KLHL1: variants seen among roughly 807,000 people sequenced by gnomAD.
KLHL1 encodes kelch-like protein 1.
A neutral mutation model predicts 77.7 loss-of-function variants in KLHL1; 47 were observed. The observed-to-expected ratio is 0.60, with a 90% CI of 0.48 to 0.77. The LOEUF is 0.77. KLHL1 is among the 30% of genes least tolerant of loss of function. KLHL1 has a pLI of 0.00. For synonymous variants in KLHL1, 360 were observed against 325.2 expected (o/e 1.11, Z -1.15); for missense variants, 925 against 910.8 (o/e 1.02, Z -0.20).
chr13:70,015,471 C>T (rs1885634663), intron 1 of KLHL1, among the ~76,000 whole-genome samples: 1 of 152,118 alleles, frequency 6.6e-6, no homozygotes, highest in South Asian at 2.1e-4. Context: ...AAAAATGGCC[C>T]ATGATTTAAG....
intron 7 of KLHL1, among the ~76,000 whole-genome samples, chr13:69,779,645 CAT>C (rs1472879581): frequency 2.0e-5 from 3 of 151,812 alleles, no homozygotes; most frequent in Non-Finnish European, 2.9e-5. Context: ...ATTGTAAACA[CAT>C]ATGTCTATAT....
Position 70,107,616 on chromosome 13 carries a change from G to A in KLHL1, c.84C>T (p.Ser28=). The A allele has an allele frequency of 1.3e-6, 2 of 1,583,934 alleles. No homozygotes were observed. The highest frequency in any genetic ancestry group is 4.5e-5 in the East Asian group (2 of 44,772). Residue 28 remains serine (S), a synonymous_variant, in exon 1 of 11, where the codon TCC becomes TCT. Transcript: ENST00000377844. The part of the protein sequence containing the change: ...RWKLFSHPSP[S]TGGPAGGGCL... ...AGCCTCCCCCCGCCGGGCCGCCGGT[G>A]GAAGGAGACGGGTGGCTGAAGAGTT... is the stretch of plus-strand genomic sequence containing the variant.
intron 5 of KLHL1, among the ~76,000 whole-genome samples, chr13:69,848,229 G>T (rs967972974): frequency 2.0e-5 from 3 of 151,506 alleles, no homozygotes; most frequent in Non-Finnish European, 4.4e-5. Flanking sequence ...GAGAAAAATG[G>T]ACAATTATGC....
intron 2 of KLHL1, among the ~76,000 whole-genome samples, chr13:69,966,538 C>T (rs1228160962): frequency 6.6e-6 from 1 of 152,148 alleles, no homozygotes; most frequent in African/African-American, 2.4e-5. Context: ...ATCCATTGTA[C>T]AGCTCATTAA....
intron 6 of KLHL1, among the ~76,000 whole-genome samples, chr13:69,809,086 T>C (rs566738552): frequency 1.3e-5 from 2 of 152,186 alleles, no homozygotes; most frequent in Non-Finnish European, 2.9e-5. Context: ...AAATCTATGA[T>C]ATTAGCGTAC....
intron 8 of KLHL1, among the ~76,000 whole-genome samples, chr13:69,724,300 G>A (rs2161755): frequency 0.88 from 134,387 of 152,080 alleles, 59,627 homozygotes; most frequent in East Asian, 0.99. Flanking sequence ...ACCACCTTGG[G>A]CACATGTCGT....
chr13:69,934,031 C>T (rs9572312), intron 4 of KLHL1, among the ~76,000 whole-genome samples: 55,361 of 151,854 alleles, frequency 0.36, 10,571 homozygotes, highest in Non-Finnish European at 0.42. Flanking sequence ...GCATGTCTAT[C>T]TATTGATCCT....
rs148680281 is a variant in KLHL1 at position 70,050,247 on chromosome 13, A to G, written c.497+56956T>C. Among the ~76,000 whole-genome samples the G allele has an allele frequency of 4.9e-3, 743 of 152,026 alleles. 5 individuals carry two copies. Among genetic ancestry groups the G allele is most frequent in the African/African-American group, 0.017 (693 of 41,548 alleles). Reference sequence around the variant, plus strand: ...TTGATCAAAACTGGCTGTGTTACATAAAATAGTTACATATTTCTGACGCCT... The same window carrying G: ...TTGATCAAAACTGGCTGTGTTACATGAAATAGTTACATATTTCTGACGCCT... On this transcript the variant is annotated intron_variant, in intron 1 of 10. Coordinates refer to ENST00000377844, the MANE Select transcript of KLHL1 (RefSeq NM_020866.3).
intron 4 of KLHL1, among the ~76,000 whole-genome samples, chr13:69,887,177 A>G (rs1317301250): frequency 1.3e-5 from 2 of 152,154 alleles, no homozygotes; most frequent in Non-Finnish European, 2.9e-5. Flanking sequence ...TTCATGATAT[A>G]TGCATGGTTC....
intron 2 of KLHL1, among the ~76,000 whole-genome samples, chr13:69,973,191 C>T (rs1014383371): frequency 1.3e-5 from 2 of 151,830 alleles, no homozygotes; most frequent in African/African-American, 2.4e-5. Flanking sequence ...ATAAACATGG[C>T]CTTTCATAAA....
intron 1 of KLHL1, among the ~76,000 whole-genome samples, chr13:69,986,608 T>C (rs1884878185): frequency 1.3e-5 from 2 of 152,042 alleles, no homozygotes; most frequent in African/African-American, 4.8e-5. Flanking sequence ...TTTATTCTTA[T>C]GGAGTGTTGC....
At chr13:69,855,404 A>AGACAGAGATAGAGATAGACAGT (rs1566329732) in intron 5 of KLHL1, among the ~76,000 whole-genome samples, 1 of 147,272 alleles carries the variant, frequency 6.8e-6, no homozygotes, top group African/African-American at 2.6e-5. Flanking sequence ...AGATAGATAG[A>AGACAGAGATAGAGATAGACAGT]GATACAGATA....
intron 9 of KLHL1, among the ~76,000 whole-genome samples, chr13:69,712,975 A>G (rs1875952515): frequency 6.6e-6 from 1 of 151,672 alleles, no homozygotes; most frequent in Non-Finnish European, 1.5e-5. Flanking sequence ...ATGCCTAGCT[A>G]ATTTTTTATT....
chr13:69,947,498 A>G (rs1883569843), intron 3 of KLHL1, among the ~76,000 whole-genome samples: 2 of 152,076 alleles, frequency 1.3e-5, no homozygotes, highest in Admixed American at 1.3e-4. Flanking sequence ...CCTTGATAAT[A>G]ATACACTTCA....
intron 5 of KLHL1, among the ~76,000 whole-genome samples, chr13:69,861,438 T>C (rs901167740): frequency 3.3e-5 from 5 of 152,130 alleles, no homozygotes; most frequent in Non-Finnish European, 5.9e-5. Context: ...TACACATCTA[T>C]ATGCAATGTT....
intron 5 of KLHL1, among the ~76,000 whole-genome samples, chr13:69,865,556 T>C (rs1424810989): frequency 6.6e-6 from 1 of 152,096 alleles, no homozygotes; most frequent in Non-Finnish European, 1.5e-5. Context: ...GAAGCATGAA[T>C]ACAGGTGGGA....
intron 2 of KLHL1, among the ~76,000 whole-genome samples, chr13:69,973,336 AATG>A (rs1884449377): frequency 6.6e-6 from 1 of 151,878 alleles, no homozygotes; most frequent in Non-Finnish European, 1.5e-5. Flanking sequence ...GACAGTTTGG[AATG>A]ATGATATAAT....
intron 1 of KLHL1, among the ~76,000 whole-genome samples, chr13:70,062,169 A>G (rs892793874): frequency 5.3e-5 from 8 of 152,236 alleles, no homozygotes; most frequent in Admixed American, 2.0e-4. Context: ...GCACGCTTGT[A>G]TTTTCTGAAA....
In KLHL1 at chr13:69,799,516, C is replaced by T. The variant is rs111999997; in HGVS notation, c.1415-2554G>A. ...AACTTCAGTCTTCAAAAGTGACCTA[C>T]TCACTTATCCTAGTAGCTACAGCAG... On this transcript the variant is annotated intron_variant, in intron 6 of 10. Transcript: ENST00000377844. Among the ~76,000 whole-genome samples the T allele has an allele frequency of 9.8e-5, 15 of 152,322 alleles. 1 individual carries two copies. The highest frequency in any genetic ancestry group is 3.6e-4 in the African/African-American group (15 of 41,578).
Sources: allele counts gnomAD v4.1 joint callset (sites outside exome capture counted in the v4.1 genomes callset), GRCh38; gene constraint gnomAD v4.1.1; transcripts MANE v1.5; gene names NCBI Gene and HGNC (gene_info 2026-07-23, HGNC 2026-07-21).